Variants in SMARCAD1 observed in about 807,000 individuals in gnomAD.
SMARCAD1 encodes the protein SWI/SNF-related matrix-associated actin-dependent regulator of chromatin subfamily A containing DEAD/H box 1.
SMARCAD1 carries 25 observed loss-of-function variants against 127.1 expected under a neutral mutation model. That is an observed-to-expected ratio of 0.20 (90% CI 0.14 to 0.27). The LOEUF (loss-of-function observed/expected upper bound fraction) is 0.27. Among genes scored for constraint, SMARCAD1 ranks in the 10% least tolerant of loss-of-function variants. SMARCAD1 has a pLI of 1.00. For missense variants in SMARCAD1, 807 were observed against 1,206.0 expected, an observed-to-expected ratio of 0.67 and a Z score of 4.90; for synonymous variants, 400 against 396.9, an observed-to-expected ratio of 1.01 and a Z score of -0.09.
At position 94,289,746 on chromosome 4, in the gene SMARCAD1, G is replaced by A. The variant is rs751333678; in HGVS notation, c.*212G>A. 7.6e-6 allele frequency: 5 copies of A among 657,564 alleles called. No homozygotes were observed. The highest frequency in any genetic ancestry group is 7.5e-5 in the South Asian group (5 of 66,228). The allele number at this position is 657,564 out of a possible 1,614,324, so 40.7% of individuals were successfully genotyped here. On this transcript the variant is annotated 3_prime_UTR_variant, in exon 24 of 24. Coordinates refer to ENST00000354268, the MANE Select transcript of SMARCAD1 (RefSeq NM_020159.5). ...TCAAAAAAGAAGCCACAAATATGTA[G>A]TTCTGAAGATGTTGAATAATCATTT...
chr4:94,277,042 C>G lies in SMARCAD1; in HGVS notation c.1965C>G (p.Leu655=). 1 of 1,614,050 alleles carries G rather than the reference C, an allele frequency of 6.2e-7. No homozygotes were observed. Among genetic ancestry groups the G allele is most frequent in the African/African-American group, 1.3e-5 (1 of 75,036 alleles). ...MTINANNRLL[L]TGTPVQNNLL... ...CACAGGCAAATAACCGTTTGCTGCT[C>G]ACAGGCACACCTGTACAGAACAATC... The change falls in exon 16 of 24, where the codon CTC becomes CTG. Residue 655 remains leucine, a synonymous_variant. Coordinates refer to ENST00000354268, the MANE Select transcript of SMARCAD1 (RefSeq NM_020159.5).
intron 3 of SMARCAD1, among the ~76,000 whole-genome samples, chr4:94,231,638 C>G (rs771484027): frequency 3.0e-4 from 45 of 152,168 alleles, no homozygotes; most frequent in Admixed American, 1.2e-3. Context: ...CCCCTTAATA[C>G]TGGTTATGTA....
In SMARCAD1 at chr4:94,281,609, A is replaced by G. The variant is rs751690747; in HGVS notation, c.2726+19A>G. The stretch of plus-strand genomic sequence containing the variant: ...CTGAAAGGTTGGTATAATTCATGTT[A>G]GTTACAAAAAAATAACTCATTTATT... On this transcript the variant is annotated intron_variant, in intron 21 of 23. Transcript: ENST00000354268. 3.5e-6 allele frequency: 5 copies of G among 1,410,914 alleles called. No individual in the cohort carries two copies. In the Admixed American group the frequency reaches 5.0e-5, roughly 14 times the overall value. 87.4% of individuals were successfully genotyped at this position (1,410,914 alleles called of 1,614,324 possible). A position where few individuals can be genotyped will look rare whatever the true frequency, so the allele number is the denominator to read the frequency against.
intron 9 of SMARCAD1, among the ~76,000 whole-genome samples, chr4:94,254,357 G>A (rs1237499930): frequency 6.6e-6 from 1 of 151,970 alleles, no homozygotes; most frequent in Non-Finnish European, 1.5e-5. Flanking sequence ...GAGTTGGGTT[G>A]CTCAGGCTTG....
chr4:94,229,598 T>A (rs1477967013), intron 3 of SMARCAD1, among the ~76,000 whole-genome samples: 1 of 152,102 alleles, frequency 6.6e-6, no homozygotes, highest in Admixed American at 6.6e-5. Context: ...AAATAAAAAT[T>A]AGCAATTTCT....
chr4:94,215,125 G>T (rs1202838686), intron 2 of SMARCAD1, among the ~76,000 whole-genome samples: 1 of 152,104 alleles, frequency 6.6e-6, no homozygotes. Flanking sequence ...TGACCATTGC[G>T]CAATACTCAG....
At chr4:94,259,434 T>A (rs1333842513) in intron 9 of SMARCAD1, among the ~76,000 whole-genome samples, 2 of 152,238 alleles carry the variant, frequency 1.3e-5, no homozygotes, top group Admixed American at 1.3e-4. Flanking sequence ...TAGTGGATTG[T>A]TATTAGATAG....
intron 9 of SMARCAD1, among the ~76,000 whole-genome samples, chr4:94,264,141 T>G (rs2125952353): frequency 6.6e-6 from 1 of 152,086 alleles, no homozygotes; most frequent in South Asian, 2.1e-4. Context: ...CGTGTGATAG[T>G]CTGTTTAGAA....
chr4:94,231,198 C>T (rs1745790921), intron 3 of SMARCAD1, among the ~76,000 whole-genome samples: 1 of 152,124 alleles, frequency 6.6e-6, no homozygotes, highest in Non-Finnish European at 1.5e-5. Context: ...GCTGTGTCCA[C>T]AGTGCCCGGA....
chr4:94,277,268 T>A, intron 16 of SMARCAD1, 109 bp downstream of exon 16: 1 of 1,226,856 alleles, frequency 8.2e-7, no homozygotes, highest in Non-Finnish European at 1.2e-6. Context: ...CTCTATGAAG[T>A]AACTTTAAGT....
intron 11 of SMARCAD1, among the ~76,000 whole-genome samples, chr4:94,272,316 C>T (rs1421245910): frequency 6.6e-6 from 1 of 152,190 alleles, no homozygotes; most frequent in Non-Finnish European, 1.5e-5. Flanking sequence ...CAATTCAGTC[C>T]ACAACAGTTG....
chr4:94,244,940 G>T (rs532186324), intron 6 of SMARCAD1, among the ~76,000 whole-genome samples: 1 of 152,238 alleles, frequency 6.6e-6, no homozygotes, highest in South Asian at 2.1e-4. Flanking sequence ...GAACATTTTA[G>T]ATATTAATTG....
At chr4:94,248,999 G>A (rs990766901) in intron 6 of SMARCAD1, among the ~76,000 whole-genome samples, 1 of 152,124 alleles carries the variant, frequency 6.6e-6, no homozygotes, top group Admixed American at 6.6e-5. Context: ...AACACAAGGA[G>A]TCTTTTCTTT....
Position 94,250,728 on chromosome 4 carries a change from A to G in SMARCAD1, c.808-24A>G, listed in dbSNP as rs1749158496. 4 of 1,538,734 alleles carry G rather than the reference A, an allele frequency of 2.6e-6. No individual in the cohort carries two copies. In the South Asian group the frequency reaches 3.7e-5, roughly 14 times the overall value. ...AGTTGCTAATTTGAGATTTTTAACAAAAAGATAAATGACTTATTTCTAGGA... is the reference window on the plus strand; with the variant it reads ...AGTTGCTAATTTGAGATTTTTAACAGAAAGATAAATGACTTATTTCTAGGA... On this transcript the variant is annotated intron_variant, in intron 7 of 23. Coordinates refer to ENST00000354268, the MANE Select transcript of SMARCAD1 (RefSeq NM_020159.5).
At position 94,252,885 on chromosome 4, in the gene SMARCAD1, G is replaced by A; in HGVS notation, c.1159G>A (p.Gly387Ser). The change falls in exon 9 of 24, where the codon GGT becomes AGT. Residue 387 changes from glycine to serine, a missense_variant. Transcript: ENST00000354268. ...GEEVMEDGYK[G>S]KILHFLQDAS... Reference sequence around the variant, plus strand: ...AGAAGTGATGGAGGATGGCTATAAAGGTAAAATTCTTCACTTCCTTCAAGA... The same window carrying A: ...AGAAGTGATGGAGGATGGCTATAAAAGTAAAATTCTTCACTTCCTTCAAGA... The A allele has an allele frequency of 6.2e-7, 1 of 1,614,074 alleles. No homozygotes were observed. The highest frequency in any genetic ancestry group is 8.5e-7 in the Non-Finnish European group (1 of 1,179,986).
intron 9 of SMARCAD1, among the ~76,000 whole-genome samples, chr4:94,253,900 A>G (rs1055172587): frequency 6.6e-6 from 1 of 152,146 alleles, no homozygotes; most frequent in Non-Finnish European, 1.5e-5. Context: ...TTACAGCTTT[A>G]AAAGATGCAG....
chr4:94,269,032 G>C (rs991770991), intron 10 of SMARCAD1, among the ~76,000 whole-genome samples: 2 of 152,068 alleles, frequency 1.3e-5, no homozygotes, highest in Non-Finnish European at 2.9e-5. Flanking sequence ...GACAGAATTA[G>C]AAAATTATAA....
chr4:94,275,678 G>A (rs1040350857), intron 14 of SMARCAD1, among the ~76,000 whole-genome samples: 8 of 151,734 alleles, frequency 5.3e-5, no homozygotes, highest in African/African-American at 1.5e-4. Context: ...TTAGCTTCAC[G>A]TTCTTTTTTG....
intron 2 of SMARCAD1, among the ~76,000 whole-genome samples, chr4:94,221,303 C>T (rs1265051439): frequency 6.6e-6 from 1 of 151,942 alleles, no homozygotes; most frequent in Admixed American, 6.5e-5. Context: ...TCCAAATGAC[C>T]AAAGCACAGT....
Sources: gnomAD v4.1 joint callset for allele counts (sites outside exome capture counted in the v4.1 genomes callset) on GRCh38, gnomAD v4.1.1 for gene constraint, MANE v1.5 for transcripts, NCBI Gene and HGNC (gene_info 2026-07-23, HGNC 2026-07-21) for gene names.